The following LMO7 variants were observed in gnomAD, a reference collection of about 807,000 sequenced individuals.
The protein encoded by LMO7 is LIM domain only protein 7.
LMO7 carries 120 observed loss-of-function variants against 206.5 expected under a neutral mutation model. The ratio of observed to expected loss-of-function variants is 0.58; its 90% CI spans 0.50 to 0.68. LMO7 has a LOEUF of 0.68. LMO7 is among the 30% of genes least tolerant of loss of function. The probability of loss-of-function intolerance (pLI) is 0.00; values close to 1 mark genes in which losing one functional copy is unlikely to be tolerated. For synonymous variants in LMO7, 706 were observed against 681.5 expected (o/e 1.04, Z -0.56); for missense variants, 1,959 against 1,957.9 (o/e 1.00, Z -0.01).
At chr13:75,729,080 T>C (rs966670442) in intron 3 of LMO7, among the ~76,000 whole-genome samples, 1 of 152,060 alleles carries the variant, frequency 6.6e-6, no homozygotes, top group Non-Finnish European at 1.5e-5. Context: ...AGCTTTGTTC[T>C]TTTGGCTTAG....
At chr13:75,631,020 T>A (rs557889074) in intron 2 of LMO7, among the ~76,000 whole-genome samples, 13 of 151,824 alleles carry the variant, frequency 8.6e-5, no homozygotes, top group Non-Finnish European at 1.0e-4. Context: ...CCTTTTACTT[T>A]TTATTATTAT....
Position 75,646,512 on chromosome 13 carries a change from C to G in LMO7, c.69+9786C>G, listed in dbSNP as rs371925837. On this transcript the variant is annotated intron_variant, in intron 1 of 30. Transcript: ENST00000377534. ...GGCTTGCCTATCTCATCTCCACCCC[C>G]ACTCTTCGACTTGCTTACTGTGCTC... 4.7e-4 allele frequency among the ~76,000 whole-genome samples: 71 copies of G among 152,290 alleles called. 2 individuals carry two copies. The South Asian group carries it at 0.013, about 28-fold the overall frequency.
intron 4 of LMO7, among the ~76,000 whole-genome samples, chr13:75,762,674 G>A (rs2048350139): frequency 6.6e-6 from 1 of 152,150 alleles, no homozygotes; most frequent in Non-Finnish European, 1.5e-5. Context: ...GCGAGGTCAC[G>A]TAGTTATAGC....
chr13:75,841,590 C>T (rs1330955628), intron 23 of LMO7, 38 bp from the exon 24 acceptor site: 5 of 1,394,492 alleles, frequency 3.6e-6, no homozygotes, highest in Non-Finnish European at 4.9e-6. Flanking sequence ...CGGAAATAAA[C>T]AGATTTAGAT....
At chr13:75,655,113 C>T (rs907801379) in intron 1 of LMO7, among the ~76,000 whole-genome samples, 18 of 152,262 alleles carry the variant, frequency 1.2e-4, no homozygotes, top group East Asian at 3.9e-4. Flanking sequence ...TTAGGTGATC[C>T]GCCTGCTTTG....
intron 3 of LMO7, among the ~76,000 whole-genome samples, chr13:75,731,118 G>A (rs1221367268): frequency 2.0e-5 from 3 of 152,070 alleles, no homozygotes; most frequent in Non-Finnish European, 4.4e-5. Context: ...GATTTGGGGT[G>A]GAGAGTTCCG....
At position 75,821,407 on chromosome 13, in the gene LMO7, C is replaced by G. The variant is rs1378347427; in HGVS notation, c.2438C>G (p.Ser813Cys). ...GTAACAACTGAAATTCAGCTTCCTT[C>G]TCAAAGTCCTGTGGAAGAACAAAGC... is the stretch of plus-strand genomic sequence containing the variant. ...DRVTTEIQLP[S>C]QSPVEEQSPA... Residue 813 changes from serine (S) to cysteine (C), a missense_variant, in exon 14 of 31, where the codon TCT becomes TGT. By Grantham distance (112) the Ser-to-Cys change is moderately radical (BLOSUM62 -1). Transcript: ENST00000377534. 2 of 1,614,054 alleles carry G rather than the reference C, an allele frequency of 1.2e-6. No individual in the cohort carries two copies. The highest frequency in any genetic ancestry group is 8.5e-7 in the Non-Finnish European group (1 of 1,180,026).
At chr13:75,791,517 A>G (rs2053282985) in intron 4 of LMO7, among the ~76,000 whole-genome samples, 1 of 152,186 alleles carries the variant, frequency 6.6e-6, no homozygotes, top group Admixed American at 6.5e-5. Context: ...TCTGTTTGCC[A>G]TGTACTGTGC....
At chr13:75,635,035 AAACAAAAAC>A (rs1267358132), upstream of LMO7, among the ~76,000 whole-genome samples, 4 of 140,560 alleles carry the variant, frequency 2.8e-5, no homozygotes. Context: ...AAACAAAACA[AAACAAAAAC>A]AAACAGAAAG....
chr13:75,751,280 C>T (rs752000143), intron 3 of LMO7, among the ~76,000 whole-genome samples: 5 of 150,830 alleles, frequency 3.3e-5, no homozygotes, highest in Non-Finnish European at 7.4e-5. Flanking sequence ...CCTGCCTCAG[C>T]CTCCCGAATA....
intron 17 of LMO7, 86 bp from the exon 18 acceptor site, chr13:75,835,147 A>G (rs911888919): frequency 2.6e-6 from 4 of 1,567,178 alleles, no homozygotes; most frequent in Admixed American, 3.9e-5. Context: ...TCATGTGCCA[A>G]TCAGACTGGG....
chr13:75,716,317 G>T (rs1009558414), intron 2 of LMO7, among the ~76,000 whole-genome samples: 1 of 152,168 alleles, frequency 6.6e-6, no homozygotes, highest in Non-Finnish European at 1.5e-5. Flanking sequence ...CATGCACTGA[G>T]GTTTCAGACA....
chr13:75,788,883 T>G lies in LMO7; in HGVS notation c.318-6518T>G, dbSNP rs189917376. 3 of 152,532 alleles carry G rather than the reference T, an allele frequency of 2.0e-5. No individual in the cohort carries two copies. In the East Asian group the frequency reaches 5.8e-4, roughly 29 times the overall value. The allele number at this position is 152,532 out of a possible 1,614,324, so 9.4% of individuals were successfully genotyped here. On this transcript the variant is annotated intron_variant, in intron 4 of 30. Coordinates refer to ENST00000377534, the MANE Select transcript of LMO7 (RefSeq NM_001306080.2). ...TGTAGGAAGAATCCATGCATTGCTC[T>G]GGGAAGTGGCCTCAGGAAGTAGAGG...
chr13:75,756,203 A>G (rs911762296), intron 3 of LMO7, among the ~76,000 whole-genome samples: 4 of 152,194 alleles, frequency 2.6e-5, no homozygotes, highest in African/African-American at 9.6e-5. Flanking sequence ...CATCTCAGCA[A>G]GAGACCAAGG....
Position 75,807,874 on chromosome 13 carries a change from C to T in LMO7, c.1591C>T (p.Leu531=). 6.2e-7 allele frequency: 1 copy of T among 1,613,972 alleles called. No individual in the cohort carries two copies. The highest frequency in any genetic ancestry group is 8.5e-7 in the Non-Finnish European group (1 of 1,179,894). ...TCCAGCACAGAAGAAAGAAGTGCCG[C>T]TGTCTGGGGCCCCAGATAGATACCA... The part of the protein sequence containing the change: ...RIPAQKKEVP[L]SGAPDRYHPV... Residue 531 remains leucine (L), a synonymous_variant, in exon 10 of 31, where the codon CTG becomes TTG. Coordinates refer to ENST00000377534, the MANE Select transcript of LMO7 (RefSeq NM_001306080.2).
intron 1 of LMO7, among the ~76,000 whole-genome samples, chr13:75,678,292 C>T (rs1594226249): frequency 6.6e-6 from 1 of 152,342 alleles, no homozygotes; most frequent in East Asian, 1.9e-4. Context: ...TCCATATCCT[C>T]TCCAGCACCT....
chr13:75,654,888 T>TTTC (rs2037903114), intron 1 of LMO7, among the ~76,000 whole-genome samples: 1 of 151,718 alleles, frequency 6.6e-6, no homozygotes, highest in African/African-American at 2.4e-5. Flanking sequence ...TTTTTTTTTT[T>TTTC]TGACAAAATC....
chr13:75,717,002 C>G (rs1197832379), intron 2 of LMO7, among the ~76,000 whole-genome samples: 2 of 151,578 alleles, frequency 1.3e-5, no homozygotes, highest in African/African-American at 4.9e-5. Context: ...GGAATGATCC[C>G]AAGTCTCTGC....
At chr13:75,825,003 A>G (rs1341122109) in intron 15 of LMO7, among the ~76,000 whole-genome samples, 1 of 152,168 alleles carries the variant, frequency 6.6e-6, no homozygotes, top group Non-Finnish European at 1.5e-5. Flanking sequence ...TTGGAAATGC[A>G]GGAAAGTATA....
Sources: gnomAD v4.1 joint callset for allele counts (sites outside exome capture counted in the v4.1 genomes callset) on GRCh38, gnomAD v4.1.1 for gene constraint, MANE v1.5 for transcripts, NCBI Gene and HGNC (gene_info 2026-07-23, HGNC 2026-07-21) for gene names.